Variants in COL24A1 observed in about 807,000 individuals in gnomAD.
The protein encoded by COL24A1 is collagen alpha-1(XXIV) chain.
Under a neutral mutation model 253.9 loss-of-function variants are expected in COL24A1, and 224 were observed. The observed-to-expected ratio is 0.88, with a 90% CI of 0.79 to 0.99. The LOEUF (loss-of-function observed/expected upper bound fraction) is 0.99. COL24A1 is among the 50% of genes least tolerant of loss of function. The probability of loss-of-function intolerance (pLI) is 0.00; values close to 1 mark genes in which losing one functional copy is unlikely to be tolerated. For missense variants in COL24A1, 2,131 were observed against 2,068.5 expected (o/e 1.03, Z -0.59); for synonymous variants, 685 against 673.7 (o/e 1.02, Z -0.26).
chr1:85,925,966 C>T (rs1433174465), intron 24 of COL24A1, among the ~76,000 whole-genome samples: 1 of 152,064 alleles, frequency 6.6e-6, no homozygotes, highest in Non-Finnish European at 1.5e-5. Context: ...AGAACTTAAA[C>T]AAATTTACAA....
chr1:85,880,610 TAAAAG>T (rs1232881583), intron 32 of COL24A1, among the ~76,000 whole-genome samples: 1 of 152,194 alleles, frequency 6.6e-6, no homozygotes, highest in African/African-American at 2.4e-5. Context: ...CCCTTGTTCT[TAAAAG>T]AAAAGTATCT....
At chr1:86,063,680 A>G in intron 8 of COL24A1, 35 bp downstream of exon 8, 1 of 1,446,358 alleles carries the variant, frequency 6.9e-7, no homozygotes, top group Non-Finnish European at 9.3e-7. Flanking sequence ...TGTCTTTTTC[A>G]CACATGATAC....
At chr1:85,900,771 C>T (rs1684204617) in intron 28 of COL24A1, among the ~76,000 whole-genome samples, 1 of 152,026 alleles carries the variant, frequency 6.6e-6, no homozygotes, top group South Asian at 2.1e-4. Flanking sequence ...CGTTTATAGC[C>T]AGCTGATTTT....
chr1:86,022,339 G>A, intron 17 of COL24A1, 46 bp from the exon 18 acceptor site: 2 of 1,531,286 alleles, frequency 1.3e-6, no homozygotes, highest in Non-Finnish European at 1.8e-6. Context: ...TACCACAAAA[G>A]GCAGACATAC....
intron 37 of COL24A1, among the ~76,000 whole-genome samples, chr1:85,864,695 T>A (rs919838839): frequency 6.6e-6 from 1 of 152,206 alleles, no homozygotes; most frequent in Admixed American, 6.5e-5. Context: ...GGTCACTTTA[T>A]TTCATTTTAT....
intron 24 of COL24A1, chr1:85,960,927 A>AAAT: frequency 1.2e-5 from 2 of 167,682 alleles, no homozygotes; most frequent in Non-Finnish European, 2.4e-5. Context: ...ATAAATAAAT[A>AAAT]AAATAGTGAA....
rs980630226 is a variant in COL24A1 at position 85,821,881 on chromosome 1, G to A, written c.3789+1655C>T. On this transcript the variant is annotated intron_variant, in intron 45 of 59. Transcript: ENST00000370571. Reference sequence around the variant, plus strand: ...TCTTACTCCTGAGACCTCTCAAGATGGAAAAAGAAAGCCTGCAAATATGAA... The same window carrying A: ...TCTTACTCCTGAGACCTCTCAAGATAGAAAAAGAAAGCCTGCAAATATGAA... 2.0e-5 allele frequency among the ~76,000 whole-genome samples: 3 copies of A among 152,156 alleles called. No individual in the cohort carries two copies. In the East Asian group the frequency reaches 5.8e-4, roughly 29 times the overall value.
At chr1:86,148,341 C>T (rs955912088) in intron 1 of COL24A1, among the ~76,000 whole-genome samples, 8 of 151,934 alleles carry the variant, frequency 5.3e-5, no homozygotes, top group Admixed American at 1.3e-4. Context: ...CCTGCCACCA[C>T]ACCCGGCTAA....
intron 53 of COL24A1, among the ~76,000 whole-genome samples, chr1:85,764,343 G>T (rs931934243): frequency 6.6e-6 from 1 of 151,994 alleles, no homozygotes; most frequent in Non-Finnish European, 1.5e-5. Context: ...AATGTAATTA[G>T]AATGGAATGA....
At chr1:85,827,692 A>G (rs545102437) in intron 43 of COL24A1, among the ~76,000 whole-genome samples, 1 of 151,600 alleles carries the variant, frequency 6.6e-6, no homozygotes, top group East Asian at 1.9e-4. Flanking sequence ...TTTCTTCTAG[A>G]TTTTCTAGTT....
In COL24A1 at chr1:85,872,098, C is replaced by G. The variant is rs1264710810; in HGVS notation, c.3138+2551G>C. Among the ~76,000 whole-genome samples the G allele has an allele frequency of 2.0e-5, 3 of 152,218 alleles. No individual in the cohort carries two copies. In the South Asian group the frequency reaches 6.2e-4, roughly 32 times the overall value. On this transcript the variant is annotated intron_variant, in intron 35 of 59. Coordinates refer to ENST00000370571, the MANE Select transcript of COL24A1 (RefSeq NM_152890.7). ...ATGAGTGAACTCCCATTCACAATTG[C>G]TTCAAAGAGAATAAAATACCTAGGA...
chr1:85,833,354 CACATG>C (rs971972285), intron 43 of COL24A1, among the ~76,000 whole-genome samples: 4 of 152,184 alleles, frequency 2.6e-5, no homozygotes, highest in African/African-American at 9.7e-5. Context: ...AGCCAAAAAA[CACATG>C]ACAAAATGCT....
rs538294471 is a variant in COL24A1, at chr1:85,827,430, G to A, written c.3682-3692C>T. On this transcript the variant is annotated intron_variant, in intron 43 of 59. Transcript: ENST00000370571. The stretch of plus-strand genomic sequence containing the variant: ...TGCCCGGCTTTGGTATCAGGATGAT[G>A]CTGGCCTCATAAAATGAGTTAGGGA... Among the ~76,000 whole-genome samples the A allele has an allele frequency of 2.6e-5, 4 of 151,784 alleles. No homozygotes were observed. The East Asian group carries it at 7.7e-4, about 29-fold the overall frequency.
intron 32 of COL24A1, among the ~76,000 whole-genome samples, chr1:85,881,849 C>T (rs1482908714): frequency 6.6e-6 from 1 of 151,908 alleles, no homozygotes; most frequent in African/African-American, 2.4e-5. Context: ...CTGATTTCTG[C>T]TGATTTTTAT....
At position 85,781,320 on chromosome 1, in the gene COL24A1, A is replaced by C. The variant is rs1669121880; in HGVS notation, c.4285-47T>G. On this transcript the variant is annotated intron_variant, in intron 51 of 59. Coordinates refer to ENST00000370571, the MANE Select transcript of COL24A1 (RefSeq NM_152890.7). Reference sequence around the variant, plus strand: ...AGTCTCACTGTTAGTATAATTAAAAAAAAAAAAACTCCACAGAATCTCTTG... The same window carrying C: ...AGTCTCACTGTTAGTATAATTAAAACAAAAAAAACTCCACAGAATCTCTTG... 1.2e-5 allele frequency: 16 copies of C among 1,333,832 alleles called. No individual in the cohort carries two copies. The East Asian group carries it at 3.5e-4, about 29-fold the overall frequency. 82.6% of individuals were successfully genotyped at this position (1,333,832 alleles called of 1,614,324 possible). A position where few individuals can be genotyped will look rare whatever the true frequency, so the allele number is the denominator to read the frequency against.
intron 11 of COL24A1, among the ~76,000 whole-genome samples, chr1:86,047,560 A>G (rs1699998321): frequency 6.6e-6 from 1 of 152,152 alleles, no homozygotes; most frequent in Non-Finnish European, 1.5e-5. Context: ...AACAATACCT[A>G]TCATTCAATA....
At chr1:86,097,301 A>G (rs748012061) in intron 5 of COL24A1, among the ~76,000 whole-genome samples, 4 of 151,878 alleles carry the variant, frequency 2.6e-5, no homozygotes, top group African/African-American at 4.8e-5. Flanking sequence ...TGTCCCTACC[A>G]CTATCCTACT....
intron 47 of COL24A1, 30 bp downstream of exon 47, chr1:85,816,758 A>G: frequency 6.4e-7 from 1 of 1,560,012 alleles, no homozygotes; most frequent in South Asian, 1.1e-5. Context: ...CATAGGAAAT[A>G]ATGAGCAAAG....
At chr1:86,034,889 G>A (rs1268423024) in intron 12 of COL24A1, among the ~76,000 whole-genome samples, 1 of 151,844 alleles carries the variant, frequency 6.6e-6, no homozygotes, top group Admixed American at 6.6e-5. Flanking sequence ...ATGTTTATAA[G>A]ACTTACTATT....
Sources: allele counts gnomAD v4.1 joint callset (sites outside exome capture counted in the v4.1 genomes callset), GRCh38; gene constraint gnomAD v4.1.1; transcripts MANE v1.5; gene names NCBI Gene and HGNC (gene_info 2026-07-23, HGNC 2026-07-21).